Variants in MAS1 observed in about 807,000 individuals in gnomAD.
The protein encoded by MAS1 is MAS1 proto-oncogene, G protein-coupled receptor.
For missense variants in MAS1, 387 were observed against 409.7 expected (o/e 0.94, Z 0.48); for synonymous variants, 163 against 164.2 (o/e 0.99, Z 0.05).
Position 159,907,389 on chromosome 6 carries a change from C to T in MAS1, c.434C>T (p.Pro145Leu), listed in dbSNP as rs375732408. The T allele has an allele frequency of 1.1e-5, 17 of 1,613,974 alleles. No homozygotes were observed. The highest frequency in any genetic ancestry group is 1.4e-5 in the Non-Finnish European group (16 of 1,180,030). The change falls in exon 3 of 3, where the codon CCC (proline) becomes CTC (leucine). Residue 145 changes from proline to leucine, a missense_variant. Coordinates refer to ENST00000674077, the MANE Select transcript of MAS1 (RefSeq NM_002377.4). ...CCCATCTGGTACCGATGCCATCGCC[C>T]CAAGTACCAGTCGGCATTGGTCTGT... is the stretch of plus-strand genomic sequence containing the variant. ...LYPIWYRCHR[P>L]KYQSALVCAL...
chr6:159,889,934 C>A (rs1169041691), upstream of MAS1, among the ~76,000 whole-genome samples: 1 of 152,240 alleles, frequency 6.6e-6, no homozygotes, highest in Non-Finnish European at 1.5e-5. Flanking sequence ...CGGAGGGGAA[C>A]TTCATCTGTG....
chr6:159,890,300 G>A (rs1782682236), upstream of MAS1, among the ~76,000 whole-genome samples: 2 of 152,176 alleles, frequency 1.3e-5, no homozygotes, highest in African/African-American at 4.8e-5. Flanking sequence ...CGGGGAAAAG[G>A]AATTTGCTCT....
At chr6:159,905,769 C>T (rs116658645) in intron 2 of MAS1, among the ~76,000 whole-genome samples, 17 of 152,258 alleles carry the variant, frequency 1.1e-4, no homozygotes, top group South Asian at 4.1e-4. Flanking sequence ...TTGGCCGGCA[C>T]GGTGGCTTAC....
At position 159,911,369 on chromosome 6, in the gene MAS1, C is replaced by G. The variant is rs1186377797; in HGVS notation, c.*3436C>G. 2 of 111,698 alleles carry G rather than the reference C, an allele frequency of 1.8e-5. No individual in the cohort carries two copies. Among genetic ancestry groups the G allele is most frequent in the East Asian group, 5.8e-4 (2 of 3,446 alleles). 6.9% of individuals were successfully genotyped at this position (111,698 alleles called of 1,614,324 possible). ...TTTTTTTTTGAGACAGAGTCTTGCTCTGTTGCCCCAGCTGGAGTGCGGTGG... is the reference window on the plus strand; with the variant it reads ...TTTTTTTTTGAGACAGAGTCTTGCTGTGTTGCCCCAGCTGGAGTGCGGTGG... On this transcript the variant is annotated 3_prime_UTR_variant, in exon 3 of 3. Transcript: ENST00000674077.
In MAS1 at chr6:159,898,158, C is replaced by A. The variant is rs1045390713; in HGVS notation, c.-243-1028C>A. On this transcript the variant is annotated intron_variant, in intron 1 of 2. Transcript: ENST00000674077. The stretch of plus-strand genomic sequence containing the variant: ...TTGCCTGCCTCAGTCTCCCAAAGTG[C>A]TGGGATTACAAGTGTGAGCCACTCC... 2.0e-5 allele frequency among the ~76,000 whole-genome samples: 3 copies of A among 152,054 alleles called. No individual in the cohort carries two copies. The East Asian group carries it at 5.8e-4, about 29-fold the overall frequency.
rs1234035182 is a variant in MAS1, at chr6:159,913,030, C to T, written c.*5097C>T. The T allele has an allele frequency of 6.6e-6, 1 of 152,096 alleles. No individual in the cohort carries two copies. Among genetic ancestry groups the T allele is most frequent in the Non-Finnish European group, 1.5e-5 (1 of 68,012 alleles). The allele number at this position is 152,096 out of a possible 1,614,324, so 9.4% of individuals were successfully genotyped here. On this transcript the variant is annotated 3_prime_UTR_variant, in exon 3 of 3. Transcript: ENST00000674077. ...CTTTAGATATTTTTGCAAAAATTAC[C>T]CACTTTTTGATGTTCAGCAAAAGTA...
At chr6:159,888,800 C>T (rs1357238996), upstream of MAS1, among the ~76,000 whole-genome samples, 1 of 152,154 alleles carries the variant, frequency 6.6e-6, no homozygotes, top group Non-Finnish European at 1.5e-5. Context: ...TGCTACACCT[C>T]CTTCCCCTCA....
chr6:159,899,605 C>T (rs905966669), intron 2 of MAS1, among the ~76,000 whole-genome samples: 4 of 151,934 alleles, frequency 2.6e-5, no homozygotes, highest in African/African-American at 9.7e-5. Flanking sequence ...CTGTCATGGT[C>T]GTGAGTGCCT....
intron 2 of MAS1, among the ~76,000 whole-genome samples, chr6:159,905,827 A>C (rs1782878640): frequency 6.6e-6 from 1 of 152,136 alleles, no homozygotes; most frequent in Admixed American, 6.5e-5. Flanking sequence ...GGATCACCTG[A>C]GGTCGGGAGT....
In MAS1 at chr6:159,908,070, G is replaced by C; in HGVS notation, c.*137G>C. Reference sequence around the variant, plus strand: ...CCATATGCATGAGATACTAATTAATGATGAAATTGAACTCTTGTACTGTAT... The same window carrying C: ...CCATATGCATGAGATACTAATTAATCATGAAATTGAACTCTTGTACTGTAT... On this transcript the variant is annotated 3_prime_UTR_variant, in exon 3 of 3. Coordinates refer to ENST00000674077, the MANE Select transcript of MAS1 (RefSeq NM_002377.4). 1.1e-6 allele frequency: 1 copy of C among 949,206 alleles called. No individual in the cohort carries two copies. The highest frequency in any genetic ancestry group is 2.7e-5 in the East Asian group (1 of 36,962). 58.8% of individuals were successfully genotyped at this position (949,206 alleles called of 1,614,324 possible). A position where few individuals can be genotyped will look rare whatever the true frequency, so the allele number is the denominator to read the frequency against.
chr6:159,891,800 T>G (rs111451919), intron 1 of MAS1, among the ~76,000 whole-genome samples: 2 of 152,168 alleles, frequency 1.3e-5, no homozygotes, highest in South Asian at 4.1e-4. Context: ...GGTGAGAGAA[T>G]GTATAGTGTG....
At chr6:159,895,647 A>G (rs1782747128) in intron 1 of MAS1, among the ~76,000 whole-genome samples, 1 of 152,244 alleles carries the variant, frequency 6.6e-6, no homozygotes, top group South Asian at 2.1e-4. Flanking sequence ...TAGGAATCAA[A>G]TAAATGCAAA....
rs186491066 is a variant in MAS1, at chr6:159,916,215, G to A, written c.*8282G>A. ...CAAATGTTAGTTATTTCTTGAGGAC[G>A]TTATGTAAAGTGATATAAGCCAGGC... On this transcript the variant is annotated 3_prime_UTR_variant, in exon 3 of 3. Transcript: ENST00000674077. 6.6e-6 allele frequency: 1 copy of A among 152,346 alleles called. No homozygotes were observed. Among genetic ancestry groups the A allele is most frequent in the East Asian group, 1.9e-4 (1 of 5,184 alleles). 9.4% of individuals were successfully genotyped at this position (152,346 alleles called of 1,614,324 possible).
chr6:159,893,062 A>G (rs145399277), intron 1 of MAS1, among the ~76,000 whole-genome samples: 5 of 152,338 alleles, frequency 3.3e-5, no homozygotes, highest in East Asian at 3.9e-4. Flanking sequence ...ACTTTGATCA[A>G]TGTCAAAACC....
intron 1 of MAS1, among the ~76,000 whole-genome samples, chr6:159,897,527 A>G (rs867912052): frequency 6.6e-6 from 1 of 152,312 alleles, no homozygotes; most frequent in African/African-American, 2.4e-5. Flanking sequence ...AGTCTTACAA[A>G]GGCATTCTGG....
rs143431542 is a variant in MAS1, at chr6:159,897,954, G to A, written c.-243-1232G>A. On this transcript the variant is annotated intron_variant, in intron 1 of 2. Transcript: ENST00000674077. ...GTTGGCCAGGCTAGAGTGCAGTGGC[G>A]CGATCTTGGCTCACTGCATCCTCTG... Among the ~76,000 whole-genome samples the A allele has an allele frequency of 3.6e-3, 552 of 151,776 alleles. 2 individuals are homozygous for A. The highest frequency in any genetic ancestry group is 0.011 in the African/African-American group (451 of 41,316).
At chr6:159,900,754 G>T (rs1416599216) in intron 2 of MAS1, among the ~76,000 whole-genome samples, 2 of 152,102 alleles carry the variant, frequency 1.3e-5, no homozygotes, top group African/African-American at 4.8e-5. Flanking sequence ...TTCTCTCGTG[G>T]GGAAGCAGAG....
chr6:159,902,584 A>C (rs1232650767), intron 2 of MAS1: 1 of 152,196 alleles, frequency 6.6e-6, no homozygotes, highest in Non-Finnish European at 1.5e-5. Flanking sequence ...TTTCTTTAAC[A>C]TGGCTATTAG....
At position 159,906,904 on chromosome 6, in the gene MAS1, C is replaced by T; in HGVS notation, c.-36-16C>T. ...CATGGCTTTTTGTGTTTGTTTTGTT[C>T]TGGACATATTTACAGAAAATTACCT... is the stretch of plus-strand genomic sequence containing the variant. On this transcript the variant is annotated splice_polypyrimidine_tract_variant and intron_variant, in intron 2 of 2. Transcript: ENST00000674077. The T allele has an allele frequency of 6.6e-7, 1 of 1,513,470 alleles. No individual in the cohort carries two copies. Among genetic ancestry groups the T allele is most frequent in the Non-Finnish European group, 8.9e-7 (1 of 1,126,588 alleles). 93.8% of individuals were successfully genotyped at this position (1,513,470 alleles called of 1,614,324 possible).
Sources: allele counts gnomAD v4.1 joint callset (sites outside exome capture counted in the v4.1 genomes callset), GRCh38; gene constraint gnomAD v4.1.1; transcripts MANE v1.5; gene names NCBI Gene and HGNC (gene_info 2026-07-23, HGNC 2026-07-21).